Variants in NECAB2 observed in about 807,000 individuals in gnomAD.
The protein encoded by NECAB2 is N-terminal EF-hand calcium-binding protein 2.
A neutral mutation model predicts 51.9 loss-of-function variants in NECAB2; 68 were observed. The observed-to-expected ratio is 1.31, with a 90% CI of 1.08 to 1.60. The LOEUF is 1.60. Among genes scored for constraint, NECAB2 ranks in the 40% most tolerant of loss-of-function variants. The pLI is 0.00. For missense variants in NECAB2, 854 were observed against 490.3 expected (o/e 1.74, Z -7.00); for synonymous variants, 329 against 203.5 (o/e 1.62, Z -5.25).
rs1444616525 is a variant in NECAB2 at position 83,968,899 on chromosome 16, G to C, written c.201+50G>C. 3 of 1,056,432 alleles carry C rather than the reference G, an allele frequency of 2.8e-6. No homozygotes were observed. The African/African-American group carries it at 5.1e-5, about 18-fold the overall frequency. 65.4% of individuals were successfully genotyped at this position (1,056,432 alleles called of 1,614,324 possible). A position where few individuals can be genotyped will look rare whatever the true frequency, so the allele number is the denominator to read the frequency against. The stretch of plus-strand genomic sequence containing the variant: ...CCGCCGTGGCCTCCGCTGGGACCCG[G>C]AGCCCCCTCCGCCCCTCGGGCGGAC... On this transcript the variant is annotated intron_variant, in intron 1 of 12. Transcript: ENST00000305202.
upstream of NECAB2, chr16:83,965,480 T>A: frequency 6.2e-7 from 1 of 1,607,762 alleles, no homozygotes. Context: ...CGCGGTCCTC[T>A]ACGCCCGCCA....
upstream of NECAB2, among the ~76,000 whole-genome samples, chr16:83,967,302 G>A (rs1398418239): frequency 5.3e-5 from 8 of 151,266 alleles, no homozygotes; most frequent in Admixed American, 6.6e-5. Flanking sequence ...CTGGAACTCC[G>A]TGGTTGGGCA....
At chr16:83,965,896 C>G, upstream of NECAB2, 11 of 1,612,884 alleles carry the variant, frequency 6.8e-6, no homozygotes, top group Non-Finnish European at 8.5e-6. Flanking sequence ...GCCAGGAGGG[C>G]CTGTACGCCA....
intron 10 of NECAB2, among the ~76,000 whole-genome samples, chr16:84,000,414 G>C (rs72793653): frequency 6.6e-6 from 1 of 152,028 alleles, no homozygotes; most frequent in Non-Finnish European, 1.5e-5. Context: ...TCTAGTCCCC[G>C]CTACTTGGAA....
Position 84,002,378 on chromosome 16 carries a change from C to T in NECAB2, c.*32C>T, listed in dbSNP as rs1220617153. 1.2e-6 allele frequency: 2 copies of T among 1,609,328 alleles called. No individual in the cohort carries two copies. ...CCCAGAGGCCCGTGGAGGAGCCCAC[C>T]AGCCCCTTCTTCTTGTGAAGGAAAT... On this transcript the variant is annotated 3_prime_UTR_variant, in exon 13 of 13. Transcript: ENST00000305202.
chr16:83,999,107 AGGGTCTTTGAGAG>A (rs1308414489), intron 10 of NECAB2, among the ~76,000 whole-genome samples: 1 of 152,176 alleles, frequency 6.6e-6, no homozygotes, highest in Non-Finnish European at 1.5e-5. Context: ...GTCCTAGCAC[AGGGTCTTTGAGAG>A]GGGTCTTCTT....
rs779455682 is a variant in NECAB2, at chr16:83,978,493, C to T, written c.276C>T (p.Gly92=). The T allele has an allele frequency of 3.1e-5, 50 of 1,613,772 alleles. No individual in the cohort carries two copies. The highest frequency in any genetic ancestry group is 1.0e-4 in the Admixed American group (6 of 59,956). Residue 92 remains glycine (G), a synonymous_variant, in exon 3 of 13, where the codon GGC becomes GGT. Coordinates refer to ENST00000305202, the MANE Select transcript of NECAB2 (RefSeq NM_019065.3). ...AATTCCAGCTCTTCTTTGCAGATGG[C>T]GTCCTTAATGAGAAAGAACTGGAGG... is the stretch of plus-strand genomic sequence containing the variant. ...LEEFQLFFAD[G]VLNEKELEDL...
Position 83,998,204 on chromosome 16 carries a change from G to C in NECAB2, c.850-1G>C. On this transcript the variant is annotated splice_acceptor_variant, in intron 9 of 12. Coordinates refer to ENST00000305202, the MANE Select transcript of NECAB2 (RefSeq NM_019065.3). LOFTEE classifies it high-confidence loss of function. Reference sequence around the variant, plus strand: ...ACACTGACTCCTGCTGTGCCCGGCAGCACCTGCAGCTGGTCCGGCAGGAGA... The same window carrying C: ...ACACTGACTCCTGCTGTGCCCGGCACCACCTGCAGCTGGTCCGGCAGGAGA... The C allele has an allele frequency of 6.2e-7, 1 of 1,608,366 alleles. No individual in the cohort carries two copies. Among genetic ancestry groups the C allele is most frequent in the South Asian group, 1.1e-5 (1 of 90,970 alleles).
Position 83,991,742 on chromosome 16 carries a change from G to C in NECAB2, c.596+1112G>C, listed in dbSNP as rs1227547700. Among the ~76,000 whole-genome samples, 3 of 151,598 alleles carry C rather than the reference G, an allele frequency of 2.0e-5. No individual in the cohort carries two copies. In the East Asian group the frequency reaches 5.8e-4, roughly 29 times the overall value. The stretch of plus-strand genomic sequence containing the variant: ...TGGCTCACTGCAATCTCCAACTCAG[G>C]TTCAAGCAATTCTCCCACCTCAGCC... On this transcript the variant is annotated intron_variant, in intron 6 of 12. Transcript: ENST00000305202.
At chr16:84,000,327 A>C (rs8048850) in intron 10 of NECAB2, among the ~76,000 whole-genome samples, 36,031 of 152,040 alleles carry the variant, frequency 0.24, 9,170 homozygotes, top group African/African-American at 0.65. Flanking sequence ...CCCAGGAGTT[A>C]AAGACCAGCA....
chr16:83,967,046 A>G (rs2084288901), upstream of NECAB2, among the ~76,000 whole-genome samples: 1 of 151,992 alleles, frequency 6.6e-6, no homozygotes, highest in Non-Finnish European at 1.5e-5. Context: ...TAGTTATTGT[A>G]TTTTTAATAG....
chr16:83,989,666 G>A (rs1203416478), intron 5 of NECAB2, among the ~76,000 whole-genome samples: 6 of 152,142 alleles, frequency 3.9e-5, no homozygotes, highest in East Asian at 3.9e-4. Flanking sequence ...CTTGAGCGAC[G>A]TGGGTAAGCA....
rs1361224733 is a variant in NECAB2 at position 83,981,125 on chromosome 16, A to G, written c.457A>G (p.Lys153Glu). ...CCTGAAGGCCATGGGTTATACCAAG[A>G]AGGTCAGTGGGTGTAGGTGGCCCCC... ...SVLKAMGYTKKVYEGGSNVDQ... is the reference protein window; with the variant it reads ...SVLKAMGYTKEVYEGGSNVDQ... Residue 153 changes from lysine (K) to glutamate (E), a missense_variant and splice_region_variant, in exon 5 of 13, where the codon AAG becomes GAG. Physicochemically the swap from Lys to Glu is moderately conservative, Grantham distance 56. Transcript: ENST00000305202. 1.2e-6 allele frequency: 2 copies of G among 1,612,534 alleles called. No individual in the cohort carries two copies. Among genetic ancestry groups the G allele is most frequent in the African/African-American group, 2.7e-5 (2 of 73,900 alleles).
intron 10 of NECAB2, among the ~76,000 whole-genome samples, chr16:84,000,476 C>T (rs201232436): frequency 6.6e-6 from 1 of 152,234 alleles, no homozygotes; most frequent in Admixed American, 6.5e-5. Flanking sequence ...GAGTGAGACC[C>T]TATCTCAAAA....
At chr16:83,973,175 C>T (rs566252180) in intron 2 of NECAB2, among the ~76,000 whole-genome samples, 9 of 152,336 alleles carry the variant, frequency 5.9e-5, no homozygotes, top group Non-Finnish European at 8.8e-5. Flanking sequence ...GCAACAGAGA[C>T]CCTGTGACCT....
chr16:84,001,921 G>C lies in NECAB2; in HGVS notation c.1132+5G>C, dbSNP rs1490446767. The C allele has an allele frequency of 5.0e-6, 8 of 1,613,668 alleles. No homozygotes were observed. The highest frequency in any genetic ancestry group is 1.3e-5 in the African/African-American group (1 of 74,906). Reference sequence around the variant, plus strand: ...TCTCCAGGATCTTGGTGCCAGGTAGGGGGCAAAGGCCTGGAACTGCAGTGG... The same window carrying C: ...TCTCCAGGATCTTGGTGCCAGGTAGCGGGCAAAGGCCTGGAACTGCAGTGG... On this transcript the variant is annotated splice_donor_5th_base_variant and intron_variant, in intron 12 of 12. Coordinates refer to ENST00000305202, the MANE Select transcript of NECAB2 (RefSeq NM_019065.3).
rs546672706 is a variant in NECAB2, at chr16:83,990,716, G to A, written c.596+86G>A. 4.1e-4 allele frequency: 629 copies of A among 1,544,724 alleles called. 1 individual carries two copies. The highest frequency in any genetic ancestry group is 4.9e-4 in the Non-Finnish European group (562 of 1,144,450). On this transcript the variant is annotated intron_variant, in intron 6 of 12. Transcript: ENST00000305202. ...CCTGCTGCTTGGTGGGGATGTCTGT[G>A]TACCTAAGAGCTGGGTGACCTTGGG...
At chr16:83,977,913 T>G (rs1256583570) in intron 2 of NECAB2, among the ~76,000 whole-genome samples, 1 of 152,106 alleles carries the variant, frequency 6.6e-6, no homozygotes, top group East Asian at 1.9e-4. Flanking sequence ...CACTTGGCGT[T>G]TGGAAGCTAT....
intron 1 of NECAB2, among the ~76,000 whole-genome samples, chr16:83,969,143 A>G (rs1180944641): frequency 3.5e-5 from 5 of 144,808 alleles, no homozygotes; most frequent in Non-Finnish European, 6.1e-5. Flanking sequence ...GGACCCGGCC[A>G]CTGTCCCCCT....
Sources: gnomAD v4.1 joint callset for allele counts (sites outside exome capture counted in the v4.1 genomes callset) on GRCh38, gnomAD v4.1.1 for gene constraint, MANE v1.5 for transcripts, NCBI Gene and HGNC (gene_info 2026-07-23, HGNC 2026-07-21) for gene names.